The following SI variants were observed in gnomAD, a reference collection of about 807,000 sequenced individuals.
The protein encoded by SI is sucrase-isomaltase.
In SI, 235 loss-of-function variants were observed where a neutral mutation model predicts 253.3. The ratio of observed to expected loss-of-function variants is 0.93; its 90% CI spans 0.83 to 1.03. The LOEUF (loss-of-function observed/expected upper bound fraction) is 1.03, where lower values mean the gene tolerates loss of function less well. Among genes scored for constraint, SI ranks in the 50% least tolerant of loss-of-function variants. The pLI is 0.00. For synonymous variants in SI, 819 were observed against 712.0 expected (o/e 1.15, Z -2.39); for missense variants, 2,442 against 2,211.1 (o/e 1.10, Z -2.09).
chr3:164,991,628 C>A, intron 43 of SI, 151 bp from the exon 44 acceptor site: 1 of 798,870 alleles, frequency 1.3e-6, no homozygotes, highest in Non-Finnish European at 2.0e-6. Context: ...ATTTGTTTCA[C>A]TATAGTAACC....
At chr3:164,979,453 A>T (rs766540447) in intron 47 of SI, 23 bp from the exon 48 acceptor site, 4 of 1,312,034 alleles carry the variant, frequency 3.0e-6, no homozygotes, top group African/African-American at 1.5e-5. Flanking sequence ...AATAATAATT[A>T]GTTGTTTAAT....
In SI at chr3:165,077,117, C is replaced by T. The variant is rs531763863; in HGVS notation, c.1-1105G>A. On this transcript the variant is annotated intron_variant, in intron 1 of 47. Transcript: ENST00000264382. ...ACATTCAATCATTCAATAAGTCCAT[C>T]TGACTTTATCTTCAAAGTATTTTTA... is the stretch of plus-strand genomic sequence containing the variant. Among the ~76,000 whole-genome samples the T allele has an allele frequency of 2.6e-5, 4 of 151,252 alleles. 1 individual carries two copies. The South Asian group carries it at 8.3e-4, about 31-fold the overall frequency.
rs1377650853 is a variant in SI, at chr3:165,030,699, AAATT to A, written c.2892+9_2892+12del. 1.2e-6 allele frequency: 2 copies of A among 1,606,408 alleles called. No homozygotes were observed. Among genetic ancestry groups the A allele is most frequent in the Non-Finnish European group, 1.7e-6 (2 of 1,175,136 alleles). ...ATAACCATATCATGAGTAATAGTTA[AAATT>A]ATTATTACCGTTCTCCATACACAGC... On this transcript the variant is annotated intron_variant, in intron 25 of 47. Coordinates refer to ENST00000264382, the MANE Select transcript of SI (RefSeq NM_001041.4).
At position 165,002,443 on chromosome 3, in the gene SI, G is replaced by A. The variant is rs143785735; in HGVS notation, c.4407-3770C>T. On this transcript the variant is annotated intron_variant, in intron 37 of 47. Coordinates refer to ENST00000264382, the MANE Select transcript of SI (RefSeq NM_001041.4). ...CTGAATCCATGCATGCTATTCTTTCGTTGCTTCTTGTTTGTTTCATGTTAA... is the reference window on the plus strand; with the variant it reads ...CTGAATCCATGCATGCTATTCTTTCATTGCTTCTTGTTTGTTTCATGTTAA... Among the ~76,000 whole-genome samples, 86 of 151,642 alleles carry A rather than the reference G, an allele frequency of 5.7e-4. 1 individual carries two copies. Among genetic ancestry groups the A allele is most frequent in the African/African-American group, 1.9e-3 (77 of 41,478 alleles).
At chr3:165,006,680 A>C in intron 37 of SI, 136 bp downstream of exon 37, 1 of 694,452 alleles carries the variant, frequency 1.4e-6, no homozygotes, top group Non-Finnish European at 2.5e-6. Flanking sequence ...AAATGCTATG[A>C]AGGAAGAAGT....
chr3:165,063,663 C>T (rs1318022145), intron 7 of SI, 122 bp from the exon 8 acceptor site: 2 of 549,918 alleles, frequency 3.6e-6, no homozygotes, highest in South Asian at 2.3e-5. Flanking sequence ...TGTTTCTACA[C>T]AAATTGTCTT....
At chr3:165,063,721 AC>A (rs1419312437) in intron 7 of SI, among the ~76,000 whole-genome samples, 180 bp from the exon 8 acceptor site, 2 of 150,780 alleles carry the variant, frequency 1.3e-5, no homozygotes, top group Admixed American at 1.3e-4. Context: ...AAAACTTCAA[AC>A]TTTTTAACAT....
intron 13 of SI, among the ~76,000 whole-genome samples, chr3:165,051,815 T>C (rs2108236460): frequency 6.6e-6 from 1 of 151,720 alleles, no homozygotes; most frequent in East Asian, 1.9e-4. Flanking sequence ...CATTATTATG[T>C]AATTTAAGGA....
chr3:165,070,190 A>G (rs1560018102), intron 3 of SI, among the ~76,000 whole-genome samples: 1 of 145,126 alleles, frequency 6.9e-6, no homozygotes, highest in African/African-American at 2.5e-5. Context: ...TTATTTATAT[A>G]TAAAGTATAT....
chr3:165,065,446 G>T lies in SI; in HGVS notation c.636-14C>A. On this transcript the variant is annotated splice_polypyrimidine_tract_variant and intron_variant, in intron 6 of 47. Coordinates refer to ENST00000264382, the MANE Select transcript of SI (RefSeq NM_001041.4). ...CTGGTGTCAAACCTGCACCATAAAA[G>T]AAATAAAGAAATAATCTAATATATA... 1.2e-6 allele frequency: 1 copy of T among 843,334 alleles called. No individual in the cohort carries two copies. The highest frequency in any genetic ancestry group is 1.6e-6 in the Non-Finnish European group (1 of 606,816). The allele number at this position is 843,334 out of a possible 1,614,324, so 52.2% of individuals were successfully genotyped here. A position where few individuals can be genotyped will look rare whatever the true frequency, so the allele number is the denominator to read the frequency against.
intron 12 of SI, among the ~76,000 whole-genome samples, chr3:165,055,802 T>C (rs888763800): frequency 6.6e-5 from 10 of 152,096 alleles, no homozygotes; most frequent in Non-Finnish European, 1.2e-4. Context: ...ATAATCTTCA[T>C]TAGAATTTTT....
rs191847429 is a variant in SI at position 164,982,945 on chromosome 3, C to T, written c.5247+57G>A. Reference sequence around the variant, plus strand: ...GGATTACAGGCATGAGCCACCCCACCCAGCTGTGAACTTCAAATATTCCTT... The same window carrying T: ...GGATTACAGGCATGAGCCACCCCACTCAGCTGTGAACTTCAAATATTCCTT... On this transcript the variant is annotated intron_variant, in intron 46 of 47. Coordinates refer to ENST00000264382, the MANE Select transcript of SI (RefSeq NM_001041.4). 52 of 1,510,102 alleles carry T rather than the reference C, an allele frequency of 3.4e-5. No individual in the cohort carries two copies. The Admixed American group carries it at 8.8e-4, about 26-fold the overall frequency. The allele number at this position is 1,510,102 out of a possible 1,614,324, so 93.5% of individuals were successfully genotyped here.
chr3:165,056,268 A>ATTATTTAAAAGAC (rs1479764052), intron 12 of SI, among the ~76,000 whole-genome samples: 1 of 152,078 alleles, frequency 6.6e-6, no homozygotes, highest in Admixed American at 6.6e-5. Flanking sequence ...GGAGTTCATA[A>ATTATTTAAAAGAC]TTATTTAAAA....
chr3:165,075,824 C>T, intron 2 of SI, 71 bp downstream of exon 2: 5 of 926,892 alleles, frequency 5.4e-6, no homozygotes, highest in Non-Finnish European at 8.9e-6. Context: ...TTTTTAAAAC[C>T]TATAACTATT....
rs768355929 is a variant in SI, at chr3:165,009,419, A to G, written c.4063-24T>C. Reference sequence around the variant, plus strand: ...GCCTGTAAAACCAAAATTTAGGCTCACATGTGGAAAGTCTTAAGAGAGATT... The same window carrying G: ...GCCTGTAAAACCAAAATTTAGGCTCGCATGTGGAAAGTCTTAAGAGAGATT... On this transcript the variant is annotated intron_variant, in intron 34 of 47. Coordinates refer to ENST00000264382, the MANE Select transcript of SI (RefSeq NM_001041.4). 19 of 1,292,650 alleles carry G rather than the reference A, an allele frequency of 1.5e-5. No homozygotes were observed. The South Asian group carries it at 2.2e-4, about 15-fold the overall frequency. 80.1% of individuals were successfully genotyped at this position (1,292,650 alleles called of 1,614,324 possible).
intron 27 of SI, among the ~76,000 whole-genome samples, chr3:165,020,137 T>A (rs1348186019): frequency 6.6e-6 from 1 of 151,712 alleles, no homozygotes; most frequent in Non-Finnish European, 1.5e-5. Context: ...TCCCTTGAGA[T>A]AATCACAATA....
In SI at chr3:165,059,195, G is replaced by A. The variant is rs777221437; in HGVS notation, c.1251C>T (p.Asp417=). 4 of 1,612,610 alleles carry A rather than the reference G, an allele frequency of 2.5e-6. No individual in the cohort carries two copies. The highest frequency in any genetic ancestry group is 1.1e-5 in the South Asian group (1 of 91,060). ...GLPQFVQDLH[D]HGQKYVIILD... is the part of the protein sequence containing the mutation. ...AGATGATGACATATTTCTGTCCATGGTCATGCAAATCTTGCACAAATTGAG... is the reference window on the plus strand; with the variant it reads ...AGATGATGACATATTTCTGTCCATGATCATGCAAATCTTGCACAAATTGAG... Residue 417 remains aspartate (D), a synonymous_variant, in exon 11 of 48, where the codon GAC becomes GAT. Transcript: ENST00000264382.
rs1435875720 is a variant in SI, at chr3:165,017,686, T to C, written c.3634-13A>G. On this transcript the variant is annotated splice_polypyrimidine_tract_variant and intron_variant, in intron 30 of 47. Transcript: ENST00000264382. ...GATGGCCAATTACCTTTAAAAAAAA[T>C]TCATGTGTGAACTAAGAGAATTACT... 2 of 1,611,726 alleles carry C rather than the reference T, an allele frequency of 1.2e-6. No individual in the cohort carries two copies. The highest frequency in any genetic ancestry group is 1.7e-6 in the Non-Finnish European group (2 of 1,178,374).
At chr3:165,073,873 TTTTA>T (rs1426280043) in intron 3 of SI, among the ~76,000 whole-genome samples, 1 of 152,042 alleles carries the variant, frequency 6.6e-6, no homozygotes, top group Non-Finnish European at 1.5e-5. Context: ...AATACTGCCA[TTTTA>T]TTTGAGAGAT....
Sources: allele counts gnomAD v4.1 joint callset (sites outside exome capture counted in the v4.1 genomes callset), GRCh38; gene constraint gnomAD v4.1.1; transcripts MANE v1.5; gene names NCBI Gene and HGNC (gene_info 2026-07-23, HGNC 2026-07-21).